Variants in UNC13A observed in about 807,000 individuals in gnomAD.
UNC13A encodes the protein unc-13 homolog A, also known as protein unc-13 homolog A.
A neutral mutation model predicts 219.7 loss-of-function variants in UNC13A; 61 were observed. The observed-to-expected ratio is 0.28, with a 90% CI of 0.23 to 0.34. UNC13A has a LOEUF of 0.34. UNC13A is among the 10% of genes least tolerant of loss of function. The pLI is 1.00. For synonymous variants in UNC13A, 920 were observed against 884.6 expected (o/e 1.04, Z -0.71); for missense variants, 1,476 against 2,270.3 (o/e 0.65, Z 7.11).
chr19:17,656,489 G>T, intron 9 of UNC13A, 91 bp from the exon 10 acceptor site: 1 of 1,269,970 alleles, frequency 7.9e-7, no homozygotes, highest in East Asian at 2.6e-5. Context: ...ATCACCGACT[G>T]AGCACCTACG....
At chr19:17,675,959 G>C in intron 2 of UNC13A, 53 bp downstream of exon 2, 7 of 1,292,456 alleles carry the variant, frequency 5.4e-6, no homozygotes, top group Non-Finnish European at 7.3e-6. Context: ...CTCTCCAAGA[G>C]ACAGACAGAC....
intron 42 of UNC13A, among the ~76,000 whole-genome samples, chr19:17,611,558 G>T (rs1211856553): frequency 6.6e-6 from 1 of 152,206 alleles, no homozygotes; most frequent in Admixed American, 6.5e-5. Flanking sequence ...GGAAAGCAGG[G>T]CTGAGAGATG....
intron 26 of UNC13A, 127 bp from the exon 27 acceptor site, chr19:17,633,320 T>A: frequency 1.3e-6 from 1 of 770,224 alleles, no homozygotes; most frequent in Non-Finnish European, 2.2e-6. Flanking sequence ...GGTTCCCTCA[T>A]AGCCACTGCT....
intron 28 of UNC13A, among the ~76,000 whole-genome samples, chr19:17,631,387 A>AT (rs967026142): frequency 9.2e-4 from 133 of 145,062 alleles, no homozygotes; most frequent in African/African-American, 2.0e-3. Flanking sequence ...TGCCCGGCTA[A>AT]TTTTTTTTTT....
intron 3 of UNC13A, among the ~76,000 whole-genome samples, chr19:17,672,777 T>G (rs1475123516): frequency 6.6e-6 from 1 of 152,146 alleles, no homozygotes; most frequent in Non-Finnish European, 1.5e-5. Flanking sequence ...CCTTCATCTT[T>G]CTGAGCCCTT....
intron 7 of UNC13A, among the ~76,000 whole-genome samples, chr19:17,666,244 G>A (rs979407124): frequency 4.0e-4 from 30 of 74,912 alleles, no homozygotes; most frequent in African/African-American, 1.1e-3. Context: ...TCAGAGTCTT[G>A]CTCTGTCACC....
intron 25 of UNC13A, among the ~76,000 whole-genome samples, chr19:17,636,569 A>T (rs1256736022): frequency 1.3e-5 from 2 of 152,120 alleles, no homozygotes; most frequent in Non-Finnish European, 2.9e-5. Flanking sequence ...ACCTAACTGG[A>T]TTGAATTAAA....
chr19:17,652,609 C>A (rs781305613), intron 12 of UNC13A, 22 bp downstream of exon 12: 7 of 1,613,770 alleles, frequency 4.3e-6, no homozygotes, highest in Middle Eastern at 1.7e-4. Flanking sequence ...TTCCTCCCAC[C>A]GCTCACAGTT....
At chr19:17,666,811 A>G (rs1366412176) in intron 6 of UNC13A, 107 bp from the exon 7 acceptor site, 2 of 717,872 alleles carry the variant, frequency 2.8e-6, no homozygotes, top group Non-Finnish European at 4.0e-6. Flanking sequence ...CTACCTCCCA[A>G]ATTCTCTCCC....
At chr19:17,621,512 CT>C (rs1251910115) in intron 37 of UNC13A, among the ~76,000 whole-genome samples, 2 of 152,144 alleles carry the variant, frequency 1.3e-5, no homozygotes, top group Non-Finnish European at 2.9e-5. Context: ...GGGTGGTGAT[CT>C]AGCGTGTAGG....
chr19:17,644,959 T>C (rs1489324476), intron 19 of UNC13A, among the ~76,000 whole-genome samples: 4 of 151,284 alleles, frequency 2.6e-5, no homozygotes, highest in African/African-American at 9.7e-5. Flanking sequence ...CCCATAGTGA[T>C]AGGATTAATT....
At chr19:17,633,320 T>C in intron 26 of UNC13A, 127 bp from the exon 27 acceptor site, 2 of 770,224 alleles carry the variant, frequency 2.6e-6, no homozygotes, top group Admixed American at 2.4e-5. Flanking sequence ...GGTTCCCTCA[T>C]AGCCACTGCT....
At chr19:17,616,462 G>A (rs2076664909) in intron 41 of UNC13A, 1 of 690,264 alleles carries the variant, frequency 1.4e-6, no homozygotes, top group Admixed American at 2.0e-5. Flanking sequence ...TTTCCACCAT[G>A]GACTAATTGG....
intron 39 of UNC13A, 49 bp downstream of exon 39, chr19:17,618,857 T>C (rs774589705): frequency 1.3e-6 from 2 of 1,581,474 alleles, no homozygotes; most frequent in South Asian, 2.2e-5. Flanking sequence ...GGAAGCCACA[T>C]GAGTTTGGGG....
rs370850494 is a variant in UNC13A at position 17,624,916 on chromosome 19, C to T, written c.4110G>A (p.Val1370=). The T allele has an allele frequency of 5.6e-6, 9 of 1,613,860 alleles. No homozygotes were observed. The highest frequency in any genetic ancestry group is 6.8e-6 in the Non-Finnish European group (8 of 1,179,760). Residue 1370 remains valine (V), a synonymous_variant, in exon 35 of 44, where the codon GTG becomes GTA. Transcript: ENST00000519716. ...TLFAKICEKT[V]LKRVLKELWK... ...ACAGCTCCTTCAGCACTCGCTTCAG[C>T]ACAGTCTTCTCACAGATTTTGGCAA...
chr19:17,683,350 G>C (rs567325808), intron 1 of UNC13A, among the ~76,000 whole-genome samples: 1 of 152,186 alleles, frequency 6.6e-6, no homozygotes, highest in South Asian at 2.1e-4. Context: ...TGAAATGCTG[G>C]GCTGGGCACG....
At chr19:17,668,950 C>G (rs1599402756) in intron 5 of UNC13A, among the ~76,000 whole-genome samples, 2 of 152,120 alleles carry the variant, frequency 1.3e-5, no homozygotes, top group African/African-American at 4.8e-5. Flanking sequence ...AACCCAGCAC[C>G]ATGCCTGGTG....
chr19:17,628,188 G>T (rs1292943794), intron 31 of UNC13A: 1 of 546,974 alleles, frequency 1.8e-6, no homozygotes, highest in South Asian at 2.3e-5. Context: ...CAGGCCTGGT[G>T]GGGGGTCCAT....
chr19:17,640,534 G>A lies in UNC13A; in HGVS notation c.2764C>T (p.Arg922Cys), dbSNP rs980823957. ...TASTNVSASD[R>C]FAASNFGKER... Reference sequence around the variant, plus strand: ...ACCCCAAAGTTGGAGGCGGCGAAGCGGTCGGAGGCAGACACGTTGGTGGAG... The same window carrying A: ...ACCCCAAAGTTGGAGGCGGCGAAGCAGTCGGAGGCAGACACGTTGGTGGAG... The change falls in exon 22 of 44, where the codon CGC (arginine) becomes TGC (cysteine). Residue 922 changes from arginine to cysteine, a missense_variant. Physicochemically the swap from Arg to Cys is radical, Grantham distance 180. Coordinates refer to ENST00000519716, the MANE Select transcript of UNC13A (RefSeq NM_001080421.3). The A allele has an allele frequency of 3.2e-6, 5 of 1,551,100 alleles. No individual in the cohort carries two copies. The highest frequency in any genetic ancestry group is 2.4e-5 in the East Asian group (1 of 41,038).
Sources: gnomAD v4.1 joint callset for allele counts (sites outside exome capture counted in the v4.1 genomes callset) on GRCh38, gnomAD v4.1.1 for gene constraint, MANE v1.5 for transcripts, NCBI Gene and HGNC (gene_info 2026-07-23, HGNC 2026-07-21) for gene names.